The following PRKG1 variants were observed in gnomAD, a reference collection of about 807,000 sequenced individuals.
PRKG1 encodes the protein cGMP-dependent protein kinase 1.
In PRKG1, 35 loss-of-function variants were observed where a neutral mutation model predicts 88.1. The observed-to-expected ratio is 0.40, with a 90% confidence interval of 0.30 to 0.53. The LOEUF is 0.53. Among genes scored for constraint, PRKG1 ranks in the 20% least tolerant of loss-of-function variants. PRKG1 has a pLI of 0.59. For synonymous variants in PRKG1, 303 were observed against 292.5 expected, an observed-to-expected ratio of 1.04 and a Z score of -0.37; for missense variants, 540 against 839.8, an observed-to-expected ratio of 0.64 and a Z score of 4.41.
intron 3 of PRKG1, among the ~76,000 whole-genome samples, chr10:51,507,101 T>G (rs1222092371): frequency 1.5e-5 from 2 of 135,628 alleles, no homozygotes; most frequent in Non-Finnish European, 1.5e-5. Context: ...AATTGAACAA[T>G]GAGAACACAT....
At position 52,098,549 on chromosome 10, in the gene PRKG1, G is replaced by A. The variant is rs984355569; in HGVS notation, c.936-35291G>A. ...AAATAGGCCGGGCGCGGTGGCTCAC[G>A]CCTGTAATCCCAGCACTTGGGGAGG... On this transcript the variant is annotated intron_variant, in intron 7 of 17. Transcript: ENST00000373980. Among the ~76,000 whole-genome samples the A allele has an allele frequency of 7.2e-5, 11 of 152,170 alleles. No individual in the cohort carries two copies. In the South Asian group the frequency reaches 1.2e-3, roughly 17 times the overall value.
intron 4 of PRKG1, among the ~76,000 whole-genome samples, chr10:51,859,259 T>G (rs898846183): frequency 6.6e-6 from 1 of 152,152 alleles, no homozygotes; most frequent in African/African-American, 2.4e-5. Context: ...AGACATTATA[T>G]ACACCCACAC....
intron 2 of PRKG1, among the ~76,000 whole-genome samples, chr10:51,356,920 T>C (rs1246752911): frequency 6.6e-6 from 1 of 152,008 alleles, no homozygotes; most frequent in Non-Finnish European, 1.5e-5. Flanking sequence ...AGGCTATACA[T>C]CCCTTAAATG....
chr10:51,750,464 C>T (rs984767697), intron 3 of PRKG1, among the ~76,000 whole-genome samples: 3 of 152,246 alleles, frequency 2.0e-5, no homozygotes, highest in East Asian at 1.9e-4. Context: ...TATAATTTTA[C>T]TATTCATTTA....
At chr10:51,239,566 C>G (rs575010745) in intron 2 of PRKG1, among the ~76,000 whole-genome samples, 28 of 152,248 alleles carry the variant, frequency 1.8e-4, no homozygotes, top group African/African-American at 6.7e-4. Flanking sequence ...TTACATGTTC[C>G]TAATGCTGAG....
intron 1 of PRKG1, among the ~76,000 whole-genome samples, chr10:51,105,411 G>T (rs1202020225): frequency 6.6e-6 from 1 of 152,166 alleles, no homozygotes. Flanking sequence ...ATTATGTGAT[G>T]AAGGAGGGAG....
At chr10:52,182,994 A>T (rs1839083655) in intron 9 of PRKG1, among the ~76,000 whole-genome samples, 1 of 152,154 alleles carries the variant, frequency 6.6e-6, no homozygotes. Context: ...TTATATGATG[A>T]GAGAGGGATA....
chr10:51,280,817 C>T (rs1409634186), intron 2 of PRKG1, among the ~76,000 whole-genome samples: 4 of 152,178 alleles, frequency 2.6e-5, no homozygotes, highest in Admixed American at 6.5e-5. Context: ...CGAACTTCCT[C>T]CTTTAGCTCA....
intron 7 of PRKG1, among the ~76,000 whole-genome samples, chr10:52,125,345 A>G (rs1847907965): frequency 6.6e-6 from 1 of 152,008 alleles, no homozygotes; most frequent in Non-Finnish European, 1.5e-5. Flanking sequence ...ATTTCTCCTG[A>G]CTGTTTATCT....
chr10:51,132,710 T>A (rs1336174154), intron 1 of PRKG1, among the ~76,000 whole-genome samples: 1 of 147,660 alleles, frequency 6.8e-6, no homozygotes, highest in Admixed American at 6.8e-5. Flanking sequence ...TATATTATGT[T>A]ATATATATAT....
At chr10:51,857,079 A>G (rs1435112014) in intron 4 of PRKG1, among the ~76,000 whole-genome samples, 4 of 152,150 alleles carry the variant, frequency 2.6e-5, no homozygotes, top group African/African-American at 7.2e-5. Context: ...TCTGATGGTC[A>G]TACTCACAAT....
chr10:52,027,285 C>G (rs1845366270), intron 5 of PRKG1, among the ~76,000 whole-genome samples: 1 of 152,116 alleles, frequency 6.6e-6, no homozygotes. Context: ...TTGCAAAACT[C>G]AGTTCAGAGG....
At chr10:51,492,886 A>T (rs1252449607) in intron 3 of PRKG1, among the ~76,000 whole-genome samples, 1 of 152,184 alleles carries the variant, frequency 6.6e-6, no homozygotes, top group Non-Finnish European at 1.5e-5. Flanking sequence ...TAGCCTGCAC[A>T]TCAAGTAGAA....
intron 3 of PRKG1, among the ~76,000 whole-genome samples, chr10:51,745,671 G>T (rs1188997621): frequency 2.0e-5 from 3 of 152,094 alleles, no homozygotes; most frequent in Admixed American, 2.0e-4. Context: ...TGAGAAGGAA[G>T]GAATGCAAGT....
intron 4 of PRKG1, among the ~76,000 whole-genome samples, chr10:51,878,212 ATG>A (rs1365062767): frequency 2.7e-5 from 4 of 148,468 alleles, no homozygotes; most frequent in Admixed American, 1.4e-4. Flanking sequence ...AGCAATATAT[ATG>A]TGTGTGTGTG....
chr10:52,168,096 T>C (rs1483781723), intron 9 of PRKG1, among the ~76,000 whole-genome samples: 1 of 152,234 alleles, frequency 6.6e-6, no homozygotes, highest in Non-Finnish European at 1.5e-5. Flanking sequence ...ACAGTTATTT[T>C]CTATGTGCCT....
chr10:51,506,605 C>A (rs1301810075), intron 3 of PRKG1, among the ~76,000 whole-genome samples: 1 of 152,090 alleles, frequency 6.6e-6, no homozygotes, highest in Admixed American at 6.6e-5. Flanking sequence ...CAGTGAGATA[C>A]CATCTCACAC....
At chr10:51,218,215 C>T (rs527532141) in intron 2 of PRKG1, among the ~76,000 whole-genome samples, 4 of 152,050 alleles carry the variant, frequency 2.6e-5, no homozygotes, top group Admixed American at 2.0e-4. Context: ...AGGCCCTGAG[C>T]AGAAAGATGC....
At chr10:50,995,105 G>T (rs1181521003) in intron 1 of PRKG1, among the ~76,000 whole-genome samples, 1 of 152,160 alleles carries the variant, frequency 6.6e-6, no homozygotes, top group African/African-American at 2.4e-5. Context: ...ATTGAAAAGA[G>T]TGATGAAAAA....
Sources: gnomAD v4.1 joint callset for allele counts (sites outside exome capture counted in the v4.1 genomes callset) on GRCh38, gnomAD v4.1.1 for gene constraint, MANE v1.5 for transcripts, NCBI Gene and HGNC (gene_info 2026-07-23, HGNC 2026-07-21) for gene names.